RIC8B: variants seen among roughly 807,000 people sequenced by gnomAD.
The protein encoded by RIC8B is RIC8 guanine nucleotide exchange factor B, also known as chaperone Ric-8B.
A neutral mutation model predicts 57.5 loss-of-function variants in RIC8B; 16 were observed. That is an observed-to-expected ratio of 0.28 (90% CI 0.19 to 0.42). The LOEUF (loss-of-function observed/expected upper bound fraction) is 0.42, where lower values mean the gene tolerates loss of function less well. Among genes scored for constraint, RIC8B ranks in the 10% least tolerant of loss-of-function variants. The pLI, the probability that RIC8B is intolerant of heterozygous loss-of-function variation, is 1.00. For synonymous variants in RIC8B, 216 were observed against 250.8 expected (o/e 0.86, Z 1.31); for missense variants, 481 against 677.0 (o/e 0.71, Z 3.21).
chr12:106,859,640 C>T (rs1342639784), intron 7 of RIC8B, among the ~76,000 whole-genome samples: 1 of 152,100 alleles, frequency 6.6e-6, no homozygotes, highest in Non-Finnish European at 1.5e-5. Context: ...TACCCAAGGT[C>T]AACCAATTAG....
At chr12:106,859,409 C>T (rs1949838323) in intron 7 of RIC8B, among the ~76,000 whole-genome samples, 1 of 152,016 alleles carries the variant, frequency 6.6e-6, no homozygotes, top group African/African-American at 2.4e-5. Flanking sequence ...CAGGATAATA[C>T]TTTCAGAGAG....
intron 7 of RIC8B, among the ~76,000 whole-genome samples, chr12:106,859,780 A>G (rs1171032882): frequency 1.3e-5 from 2 of 152,054 alleles, no homozygotes; most frequent in Admixed American, 1.3e-4. Context: ...CACCTATGCT[A>G]TTTGCTAATA....
At chr12:106,831,323 G>T (rs1242534810) in intron 4 of RIC8B, among the ~76,000 whole-genome samples, 1 of 152,124 alleles carries the variant, frequency 6.6e-6, no homozygotes, top group Non-Finnish European at 1.5e-5. Flanking sequence ...GCTCTTCTCT[G>T]TCTTAAGGAT....
chr12:106,782,771 T>C (rs1024331975), intron 1 of RIC8B, among the ~76,000 whole-genome samples: 1 of 152,244 alleles, frequency 6.6e-6, no homozygotes, highest in Non-Finnish European at 1.5e-5. Flanking sequence ...AAATTGCTGC[T>C]TCTACAAAGA....
chr12:106,849,934 A>T (rs1205434737), intron 6 of RIC8B, among the ~76,000 whole-genome samples: 2 of 152,204 alleles, frequency 1.3e-5, no homozygotes. Flanking sequence ...AACAATGGAG[A>T]TATAATTTAG....
At chr12:106,846,045 C>G (rs753920573) in intron 6 of RIC8B, among the ~76,000 whole-genome samples, 29 of 152,172 alleles carry the variant, frequency 1.9e-4, no homozygotes, top group Admixed American at 4.6e-4. Flanking sequence ...TATCTTGTCT[C>G]TATCTCTGCT....
At chr12:106,786,694 C>T (rs536390699) in intron 2 of RIC8B, among the ~76,000 whole-genome samples, 26 of 151,582 alleles carry the variant, frequency 1.7e-4, no homozygotes, top group Non-Finnish European at 3.5e-4. Context: ...AACAAGTGTC[C>T]AGCATTTAAG....
At chr12:106,863,715 G>T (rs1950028585) in intron 8 of RIC8B, among the ~76,000 whole-genome samples, 1 of 152,014 alleles carries the variant, frequency 6.6e-6, no homozygotes, top group African/African-American at 2.4e-5. Flanking sequence ...TCTAAATTCA[G>T]AGTTCTAAAA....
intron 3 of RIC8B, among the ~76,000 whole-genome samples, chr12:106,821,163 G>A (rs1344293208): frequency 6.6e-6 from 1 of 152,218 alleles, no homozygotes; most frequent in Non-Finnish European, 1.5e-5. Context: ...TTTGACAAAT[G>A]AGGACAGTGA....
chr12:106,827,950 A>T lies in RIC8B; in HGVS notation c.836+2130A>T, dbSNP rs1248481286. On this transcript the variant is annotated intron_variant, in intron 4 of 9. Transcript: ENST00000392837. The stretch of plus-strand genomic sequence containing the variant: ...ACTAGTCACAAATACATTGCCAAAG[A>T]TTTCTCCGAATAATGAATTTAATAT... 4.6e-5 allele frequency among the ~76,000 whole-genome samples: 7 copies of T among 152,380 alleles called. No homozygotes were observed. The East Asian group carries it at 1.3e-3, about 29-fold the overall frequency.
chr12:106,818,817 A>C (rs943006642), intron 3 of RIC8B, among the ~76,000 whole-genome samples: 2 of 151,968 alleles, frequency 1.3e-5, no homozygotes, highest in African/African-American at 4.8e-5. Flanking sequence ...CCCAGGCTGG[A>C]GTGCAATGGC....
chr12:106,793,570 A>C (rs1335499384), intron 2 of RIC8B, among the ~76,000 whole-genome samples: 1 of 152,192 alleles, frequency 6.6e-6, no homozygotes, highest in Non-Finnish European at 1.5e-5. Flanking sequence ...TCCCTTCAAA[A>C]GATTGGATCT....
At position 106,851,495 on chromosome 12, in the gene RIC8B, T is replaced by C. The variant is rs749234307; in HGVS notation, c.1207T>C (p.Ser403Pro). ...RDVTNRPEVGSTVRNKLVRLM... is the reference protein window; with the variant it reads ...RDVTNRPEVGPTVRNKLVRLM... ...TGTGACAAATCGACCTGAAGTTGGC[T>C]CAACTGTGAGAAATAAGCTGGTGCG... The change falls in exon 7 of 10, where the codon TCA becomes CCA. Residue 403 changes from serine (S) to proline (P), a missense_variant. Ser to Pro is a moderately conservative substitution (Grantham distance 74, BLOSUM62 -1). Around this residue, in one of 3 missense-constraint regions of RIC8B, gnomAD observed 421 missense variants for 560.9 expected, o/e 0.75. Transcript: ENST00000392837. 2.5e-6 allele frequency: 4 copies of C among 1,613,808 alleles called. No homozygotes were observed. Among genetic ancestry groups the C allele is most frequent in the Admixed American group, 3.3e-5 (2 of 60,002 alleles).
At chr12:106,837,178 A>G (rs921751883) in intron 4 of RIC8B, among the ~76,000 whole-genome samples, 1 of 152,220 alleles carries the variant, frequency 6.6e-6, no homozygotes, top group African/African-American at 2.4e-5. Flanking sequence ...CCTGACCAAC[A>G]TGGTGAAACC....
At chr12:106,872,877 G>C (rs576635482) in intron 9 of RIC8B, among the ~76,000 whole-genome samples, 34 of 152,274 alleles carry the variant, frequency 2.2e-4, no homozygotes, top group Admixed American at 1.3e-3. Flanking sequence ...GTAAACTCCA[G>C]GTAGGGAAAT....
chr12:106,811,261 A>C (rs1566068805), intron 2 of RIC8B, among the ~76,000 whole-genome samples: 1 of 152,234 alleles, frequency 6.6e-6, no homozygotes, highest in East Asian at 1.9e-4. Context: ...TCGTCTGGTC[A>C]GGTATTCTCA....
In RIC8B at chr12:106,843,840, T is replaced by G. The variant is rs756220758; in HGVS notation, c.1066-12T>G. On this transcript the variant is annotated splice_polypyrimidine_tract_variant and intron_variant, in intron 5 of 9. Transcript: ENST00000392837. Reference sequence around the variant, plus strand: ...AACGTATTTCAAAAACATATGGTTTTTTTTTTTATAGGGAAGCAGCTATAG... The same window carrying G: ...AACGTATTTCAAAAACATATGGTTTGTTTTTTTATAGGGAAGCAGCTATAG... 6 of 1,587,662 alleles carry G rather than the reference T, an allele frequency of 3.8e-6. No individual in the cohort carries two copies. The South Asian group carries it at 6.8e-5, about 18-fold the overall frequency.
chr12:106,805,280 T>G (rs1230485486), intron 2 of RIC8B, among the ~76,000 whole-genome samples: 1 of 152,174 alleles, frequency 6.6e-6, no homozygotes, highest in Non-Finnish European at 1.5e-5. Context: ...GTTCCTTGCC[T>G]CCTCTTTCTT....
intron 6 of RIC8B, among the ~76,000 whole-genome samples, chr12:106,849,287 G>GTTTA (rs60536359): frequency 0.028 from 4,084 of 143,948 alleles, 100 homozygotes; most frequent in African/African-American, 0.061. Flanking sequence ...TTTTTAAATA[G>GTTTA]TTTATTTATT....
Sources: allele counts gnomAD v4.1 joint callset (sites outside exome capture counted in the v4.1 genomes callset), GRCh38; gene constraint gnomAD v4.1.1; regional missense constraint gnomAD v4.1.1; transcripts MANE v1.5; gene names NCBI Gene and HGNC (gene_info 2026-07-23, HGNC 2026-07-21).